HECW2: variants seen among roughly 807,000 people sequenced by gnomAD.
HECW2 encodes E3 ubiquitin-protein ligase HECW2.
HECW2 carries 61 observed loss-of-function variants against 175.2 expected under a neutral mutation model. The observed-to-expected ratio is 0.35, with a 90% CI of 0.28 to 0.43. HECW2 has a LOEUF of 0.43. Ranked by LOEUF, HECW2 falls within the 20% of genes least tolerant of loss-of-function variation. The pLI is 1.00. For synonymous variants in HECW2, 671 were observed against 731.0 expected (o/e 0.92, Z 1.32); for missense variants, 1,524 against 2,000.5 (o/e 0.76, Z 4.54).
chr2:196,263,400 T>A (rs578105843), intron 17 of HECW2: 1 of 152,154 alleles, frequency 6.6e-6, no homozygotes, highest in East Asian at 1.9e-4. Context: ...AAGAAGGGCA[T>A]GTGTTCGGAG....
intron 13 of HECW2, among the ~76,000 whole-genome samples, chr2:196,296,252 T>G (rs1220272401): frequency 6.6e-6 from 1 of 152,176 alleles, no homozygotes; most frequent in Non-Finnish European, 1.5e-5. Flanking sequence ...GTCTCAGCTC[T>G]GTCACTCATA....
At chr2:196,281,937 T>C (rs1214546759) in intron 14 of HECW2, among the ~76,000 whole-genome samples, 1 of 152,158 alleles carries the variant, frequency 6.6e-6, no homozygotes, top group East Asian at 1.9e-4. Flanking sequence ...TCCTGTTAAA[T>C]GGGGATCATA....
intron 2 of HECW2, among the ~76,000 whole-genome samples, chr2:196,405,769 C>G (rs1694950617): frequency 6.6e-6 from 1 of 152,148 alleles, no homozygotes; most frequent in African/African-American, 2.4e-5. Flanking sequence ...CCCTTCACAG[C>G]AAACTTCTTA....
At chr2:196,389,162 A>G (rs1009542800) in intron 2 of HECW2, among the ~76,000 whole-genome samples, 10 of 152,184 alleles carry the variant, frequency 6.6e-5, no homozygotes, top group Non-Finnish European at 1.2e-4. Context: ...TTTTTCACCC[A>G]TATCTGATTT....
intron 2 of HECW2, among the ~76,000 whole-genome samples, chr2:196,417,390 C>T (rs1695283714): frequency 6.6e-6 from 1 of 152,122 alleles, no homozygotes; most frequent in African/African-American, 2.4e-5. Flanking sequence ...GCTGCTTGCC[C>T]TAGCAGTGTT....
intron 21 of HECW2, among the ~76,000 whole-genome samples, chr2:196,234,667 G>A (rs79645800): frequency 2.6e-5 from 4 of 152,234 alleles, no homozygotes; most frequent in East Asian, 1.9e-4. Context: ...ATACACTGGA[G>A]AATGTGCAGT....
chr2:196,512,388 C>T (rs1687983852), intron 1 of HECW2, among the ~76,000 whole-genome samples: 1 of 152,094 alleles, frequency 6.6e-6, no homozygotes, highest in Non-Finnish European at 1.5e-5. Flanking sequence ...AACCCTTCAA[C>T]TGATTTAACT....
intron 2 of HECW2, among the ~76,000 whole-genome samples, chr2:196,371,124 T>C (rs1383060815): frequency 6.6e-6 from 1 of 152,208 alleles, no homozygotes; most frequent in East Asian, 1.9e-4. Flanking sequence ...CCCTAAAGTC[T>C]GCATTTTTAA....
At chr2:196,488,788 G>T (rs1175776221) in intron 1 of HECW2, among the ~76,000 whole-genome samples, 4 of 151,994 alleles carry the variant, frequency 2.6e-5, no homozygotes, top group Non-Finnish European at 5.9e-5. Flanking sequence ...TTTCTACAAT[G>T]ACCATGATTT....
At chr2:196,515,398 G>A (rs1040410678) in intron 1 of HECW2, among the ~76,000 whole-genome samples, 6 of 152,168 alleles carry the variant, frequency 3.9e-5, no homozygotes, top group South Asian at 2.1e-4. Context: ...AGGTGCTGCC[G>A]GCAACAGAGG....
At chr2:196,253,564 G>C (rs1688936949) in intron 19 of HECW2, among the ~76,000 whole-genome samples, 1 of 152,204 alleles carries the variant, frequency 6.6e-6, no homozygotes, top group African/African-American at 2.4e-5. Flanking sequence ...TATTTCTTGA[G>C]AGTAGAGACT....
chr2:196,383,084 A>G (rs1490392862), intron 2 of HECW2, among the ~76,000 whole-genome samples: 1 of 152,200 alleles, frequency 6.6e-6, no homozygotes, highest in Non-Finnish European at 1.5e-5. Flanking sequence ...GATAGGAATA[A>G]AAGTTGAAGC....
chr2:196,200,981 A>G lies in HECW2; in HGVS notation c.*296T>C, dbSNP rs1686835551. ...GTCCCTAAAAATTACCGTGGAGCTG[A>G]TCATGTATGGGTTCATCTTTGTCTT... On this transcript the variant is annotated 3_prime_UTR_variant, in exon 29 of 29. Coordinates refer to ENST00000644978, the MANE Select transcript of HECW2 (RefSeq NM_001348768.2). 4.1e-6 allele frequency: 1 copy of G among 244,718 alleles called. No homozygotes were observed. Among genetic ancestry groups the G allele is most frequent in the Admixed American group, 4.7e-5 (1 of 21,238 alleles). The allele number at this position is 244,718 out of a possible 1,614,324, so 15.2% of individuals were successfully genotyped here.
At chr2:196,531,693 T>C (rs941934053) in intron 1 of HECW2, among the ~76,000 whole-genome samples, 1 of 151,740 alleles carries the variant, frequency 6.6e-6, no homozygotes, top group African/African-American at 2.4e-5. Context: ...GTTTTCAGGA[T>C]GAGACCAAGC....
At chr2:196,221,071 C>T in intron 24 of HECW2, 130 bp from the exon 25 acceptor site, 1 of 896,050 alleles carries the variant, frequency 1.1e-6, no homozygotes, top group Non-Finnish European at 1.7e-6. Flanking sequence ...CACAAGCTGG[C>T]AGTGAGGCCC....
At position 196,292,662 on chromosome 2, in the gene HECW2, T is replaced by C. The variant is rs773690625; in HGVS notation, c.2903A>G (p.Gln968Arg). 6.2e-7 allele frequency: 1 copy of C among 1,614,222 alleles called. No homozygotes were observed. The change falls in exon 14 of 29, where the codon CAG becomes CGG. Residue 968 changes from glutamine (Q) to arginine (R), a missense_variant. By Grantham distance (43) the Gln-to-Arg change is conservative. This residue lies in a region of HECW2 where 291 missense variants were observed against 412.2 expected (regional missense o/e 0.71). Coordinates refer to ENST00000644978, the MANE Select transcript of HECW2 (RefSeq NM_001348768.2). ...RRDTHHFERY[Q>R]HNRDLVGFLN... ...GAATCCCACAAGGTCGCGGTTATGC[T>C]GGTAGCGTTCAAAGTGGTGGGTGTC...
chr2:196,433,080 C>G (rs767539830), intron 2 of HECW2, 52 bp downstream of exon 2: 4 of 1,508,660 alleles, frequency 2.7e-6, no homozygotes, highest in Non-Finnish European at 2.7e-6. Flanking sequence ...AAATGTCAAA[C>G]TAAAAACTTG....
chr2:196,480,042 G>A (rs1686788289), intron 1 of HECW2, among the ~76,000 whole-genome samples: 1 of 151,946 alleles, frequency 6.6e-6, no homozygotes, highest in Non-Finnish European at 1.5e-5. Flanking sequence ...GCACACCACT[G>A]CCACTCCCCC....
intron 1 of HECW2, among the ~76,000 whole-genome samples, chr2:196,561,407 T>C (rs1177137319): frequency 6.6e-6 from 1 of 152,220 alleles, no homozygotes; most frequent in Non-Finnish European, 1.5e-5. Context: ...TTAGTAATTC[T>C]AGTTTTGCCC....
Sources: gnomAD v4.1 joint callset for allele counts (sites outside exome capture counted in the v4.1 genomes callset) on GRCh38, gnomAD v4.1.1 for gene constraint, gnomAD v4.1.1 regional missense constraint, MANE v1.5 for transcripts, NCBI Gene and HGNC (gene_info 2026-07-23, HGNC 2026-07-21) for gene names.